CDH12: variants seen among roughly 807,000 people sequenced by gnomAD.
CDH12 encodes cadherin-12.
Under a neutral mutation model 74.1 loss-of-function variants are expected in CDH12, and 41 were observed. The ratio of observed to expected loss-of-function variants is 0.55; its 90% confidence interval spans 0.43 to 0.72. CDH12 has a LOEUF of 0.72. Ranked by LOEUF, CDH12 falls within the 30% of genes least tolerant of loss-of-function variation. The pLI is 0.00. For synonymous variants in CDH12, 399 were observed against 355.0 expected (o/e 1.12, Z -1.39); for missense variants, 945 against 977.2 (o/e 0.97, Z 0.44).
intron 2 of CDH12, among the ~76,000 whole-genome samples, chr5:22,495,145 G>A (rs1747050730): frequency 6.6e-6 from 1 of 152,102 alleles, no homozygotes; most frequent in South Asian, 2.1e-4. Context: ...TTTCAAACAT[G>A]TGCTTAGATG....
intron 6 of CDH12, among the ~76,000 whole-genome samples, chr5:21,907,330 G>A (rs1248095136): frequency 6.6e-6 from 1 of 152,146 alleles, no homozygotes; most frequent in Non-Finnish European, 1.5e-5. Flanking sequence ...AGTTGGGAAA[G>A]GAAAGGAGAA....
intron 4 of CDH12, among the ~76,000 whole-genome samples, chr5:22,080,773 T>C (rs1260604524): frequency 6.6e-6 from 1 of 152,006 alleles, no homozygotes; most frequent in Non-Finnish European, 1.5e-5. Context: ...TTTGCTTCTT[T>C]CTTTCTTTTT....
Position 22,364,535 on chromosome 5 carries a change from T to C in CDH12, c.-333+40722A>G, listed in dbSNP as rs926940722. ...GTGGCCGGCAACAGGGAGTCTTACATTGGTAGAAGGTGGTTACAGGTGAGA... is the reference window on the plus strand; with the variant it reads ...GTGGCCGGCAACAGGGAGTCTTACACTGGTAGAAGGTGGTTACAGGTGAGA... On this transcript the variant is annotated intron_variant, in intron 3 of 14. Coordinates refer to ENST00000382254, the MANE Select transcript of CDH12 (RefSeq NM_004061.5). Among the ~76,000 whole-genome samples, 3 of 152,076 alleles carry C rather than the reference T, an allele frequency of 2.0e-5. No individual in the cohort carries two copies. In the East Asian group the frequency reaches 5.8e-4, roughly 29 times the overall value.
chr5:22,355,519 A>ATAT (rs1214371527), intron 3 of CDH12, among the ~76,000 whole-genome samples: 1 of 34,578 alleles, frequency 2.9e-5, no homozygotes, highest in Non-Finnish European at 1.0e-4. Flanking sequence ...TTCCTTAAAA[A>ATAT]AAAAATATAT....
At chr5:21,882,830 T>C in intron 6 of CDH12, 1 of 1,550,074 alleles carries the variant, frequency 6.5e-7, no homozygotes, top group Non-Finnish European at 8.9e-7. Flanking sequence ...GTGTGACTGT[T>C]GCAAAGTCAA....
chr5:22,246,689 GGGC>G (rs1752956472), intron 3 of CDH12, among the ~76,000 whole-genome samples: 1 of 152,114 alleles, frequency 6.6e-6, no homozygotes, highest in African/African-American at 2.4e-5. Context: ...ATTCTCAACA[GGGC>G]TTCACAAAAT....
chr5:22,299,487 T>A (rs916702683), intron 3 of CDH12, among the ~76,000 whole-genome samples: 1 of 152,226 alleles, frequency 6.6e-6, no homozygotes, highest in African/African-American at 2.4e-5. Context: ...ATTATTTAAA[T>A]CATTATGCAA....
chr5:22,680,739 G>A (rs1350426794), intron 1 of CDH12, among the ~76,000 whole-genome samples: 13 of 151,606 alleles, frequency 8.6e-5, no homozygotes, highest in South Asian at 4.1e-4. Flanking sequence ...TAAATAATAC[G>A]TACTACTAAC....
At chr5:22,624,032 T>C (rs955434600) in intron 1 of CDH12, among the ~76,000 whole-genome samples, 14 of 152,288 alleles carry the variant, frequency 9.2e-5, no homozygotes, top group African/African-American at 3.1e-4. Flanking sequence ...CCATCTGATC[T>C]TTGACAAACC....
At chr5:21,864,308 T>C (rs1017701164) in intron 6 of CDH12, among the ~76,000 whole-genome samples, 2 of 152,082 alleles carry the variant, frequency 1.3e-5, no homozygotes, top group South Asian at 2.1e-4. Context: ...TCAGAGAAGA[T>C]TGCATGTGAG....
intron 3 of CDH12, among the ~76,000 whole-genome samples, chr5:22,328,678 A>G (rs1739223907): frequency 6.6e-6 from 1 of 152,190 alleles, no homozygotes; most frequent in South Asian, 2.1e-4. Flanking sequence ...TGTAAGAAGG[A>G]GAGAAATAGA....
intron 3 of CDH12, among the ~76,000 whole-genome samples, chr5:22,271,627 T>TA (rs1246113495): frequency 1.3e-5 from 2 of 152,188 alleles, no homozygotes; most frequent in African/African-American, 4.8e-5. Flanking sequence ...AGATATTTCT[T>TA]AAATAATAAG....
At chr5:21,984,583 T>C (rs1430477561) in intron 5 of CDH12, among the ~76,000 whole-genome samples, 1 of 152,172 alleles carries the variant, frequency 6.6e-6, no homozygotes, top group African/African-American at 2.4e-5. Context: ...TTACAGAAAT[T>C]GGCCATCTTC....
chr5:22,801,720 A>G (rs1342562548), intron 1 of CDH12, among the ~76,000 whole-genome samples: 2 of 139,222 alleles, frequency 1.4e-5, no homozygotes, highest in Non-Finnish European at 3.1e-5. Flanking sequence ...ATAAGATTTT[A>G]AATGTTATAT....
rs1743321903 is a variant in CDH12, at chr5:22,415,017, C to T, written c.-427-9666G>A. Among the ~76,000 whole-genome samples the T allele has an allele frequency of 2.0e-5, 3 of 152,170 alleles. No individual in the cohort carries two copies. In the South Asian group the frequency reaches 6.2e-4, roughly 32 times the overall value. ...TATTACTAAAATATGTATCAGCTCA[C>T]ATATAGGGTGGATACACATCTCCAT... On this transcript the variant is annotated intron_variant, in intron 2 of 14. Coordinates refer to ENST00000382254, the MANE Select transcript of CDH12 (RefSeq NM_004061.5).
At position 22,078,763 on chromosome 5, in the gene CDH12, T is replaced by C; in HGVS notation, c.-87A>G. On this transcript the variant is annotated 5_prime_UTR_variant, in exon 5 of 15. Coordinates refer to ENST00000382254, the MANE Select transcript of CDH12 (RefSeq NM_004061.5). ...ATCCAGGTTTGAGGTGTCTGTGGCCTCCACCACTTAGCTTCTTGTTTTATT... is the reference window on the plus strand; with the variant it reads ...ATCCAGGTTTGAGGTGTCTGTGGCCCCCACCACTTAGCTTCTTGTTTTATT... 4 of 1,532,546 alleles carry C rather than the reference T, an allele frequency of 2.6e-6. No individual in the cohort carries two copies. The highest frequency in any genetic ancestry group is 1.3e-5 in the South Asian group (1 of 79,284). 94.9% of individuals were successfully genotyped at this position (1,532,546 alleles called of 1,614,324 possible). A position where few individuals can be genotyped will look rare whatever the true frequency, so the allele number is the denominator to read the frequency against.
At chr5:21,924,193 A>C (rs1384722976) in intron 6 of CDH12, among the ~76,000 whole-genome samples, 1 of 152,180 alleles carries the variant, frequency 6.6e-6, no homozygotes, top group Admixed American at 6.5e-5. Context: ...GAGAAACAGC[A>C]AGGTAGTAAG....
intron 1 of CDH12, among the ~76,000 whole-genome samples, chr5:22,708,204 C>G (rs548886556): frequency 4.6e-5 from 7 of 152,278 alleles, no homozygotes; most frequent in African/African-American, 1.4e-4. Flanking sequence ...ACTAAACACA[C>G]ACATATGCAT....
At chr5:22,350,335 A>G (rs1165707913) in intron 3 of CDH12, among the ~76,000 whole-genome samples, 2 of 152,224 alleles carry the variant, frequency 1.3e-5, no homozygotes, top group Non-Finnish European at 2.9e-5. Flanking sequence ...AACTCATTGT[A>G]TTTATACATA....
Sources: allele counts gnomAD v4.1 joint callset (sites outside exome capture counted in the v4.1 genomes callset), GRCh38; gene constraint gnomAD v4.1.1; transcripts MANE v1.5; gene names NCBI Gene and HGNC (gene_info 2026-07-23, HGNC 2026-07-21).